Variants in FIG4 observed in about 807,000 individuals in gnomAD.
FIG4 encodes the protein polyphosphoinositide phosphatase.
In FIG4, 112 loss-of-function variants were observed where a neutral mutation model predicts 118.6. The observed-to-expected ratio is 0.94, with a 90% CI of 0.81 to 1.11. FIG4 has a LOEUF of 1.11. Ranked by LOEUF, FIG4 falls within the 50% of genes least tolerant of loss-of-function variation. The probability of loss-of-function intolerance (pLI) is 0.00; values close to 1 mark genes in which losing one functional copy is unlikely to be tolerated. For missense variants in FIG4, 969 were observed against 1,111.7 expected (o/e 0.87, Z 1.83); for synonymous variants, 369 against 381.2 (o/e 0.97, Z 0.37).
At chr6:109,710,417 T>C (rs192991569) in intron 1 of FIG4, among the ~76,000 whole-genome samples, 31 of 152,332 alleles carry the variant, frequency 2.0e-4, no homozygotes, top group African/African-American at 7.0e-4. Context: ...GAAGTTTTCT[T>C]TTTTTGTTGT....
At chr6:109,770,183 A>G (rs1388983521) in intron 15 of FIG4, among the ~76,000 whole-genome samples, 2 of 152,144 alleles carry the variant, frequency 1.3e-5, no homozygotes, top group Non-Finnish European at 2.9e-5. Flanking sequence ...GATGTTAGGG[A>G]GAGCTTTTAA....
At chr6:109,799,958 C>T (rs1268190338) in intron 22 of FIG4, among the ~76,000 whole-genome samples, 1 of 152,134 alleles carries the variant, frequency 6.6e-6, no homozygotes, top group East Asian at 1.9e-4. Flanking sequence ...AGGGCATCAG[C>T]CAACATTGAC....
chr6:109,715,177 G>A lies in FIG4; in HGVS notation c.165+1G>A. On this transcript the variant is annotated splice_donor_variant, in intron 2 of 22. Transcript: ENST00000230124. LOFTEE classifies it high-confidence loss of function. ...AGATTTGGTCATAATTGATGACAGGGTAAGTATCCTCCAAACCTGACTGCA... is the reference window on the plus strand; with the variant it reads ...AGATTTGGTCATAATTGATGACAGGATAAGTATCCTCCAAACCTGACTGCA... 1 of 1,537,782 alleles carries A rather than the reference G, an allele frequency of 6.5e-7. No homozygotes were observed. Among genetic ancestry groups the A allele is most frequent in the Non-Finnish European group, 9.0e-7 (1 of 1,111,452 alleles).
intron 17 of FIG4, chr6:109,785,556 A>G: frequency 2.3e-6 from 1 of 425,732 alleles, no homozygotes; most frequent in Non-Finnish European, 4.9e-6. Context: ...AGTGTATAAT[A>G]CATTAGAATG....
chr6:109,792,701 ATATT>A, intron 21 of FIG4, 37 bp downstream of exon 21: 1 of 1,133,250 alleles, frequency 8.8e-7, no homozygotes. Context: ...AGAAAAATGA[ATATT>A]TATAATTACA....
At chr6:109,785,946 G>A in intron 17 of FIG4, 1 of 308,944 alleles carries the variant, frequency 3.2e-6, no homozygotes, top group South Asian at 3.1e-5. Context: ...GAAATATAAA[G>A]GGAAACTTAG....
At chr6:109,698,848 T>G (rs1008703949) in intron 1 of FIG4, among the ~76,000 whole-genome samples, 4 of 152,244 alleles carry the variant, frequency 2.6e-5, no homozygotes, top group Non-Finnish European at 5.9e-5. Flanking sequence ...TGATCATGAT[T>G]TATTACTGTT....
chr6:109,758,261 C>T (rs9487211), intron 10 of FIG4, among the ~76,000 whole-genome samples: 121,267 of 152,116 alleles, frequency 0.8, 48,530 homozygotes, highest in African/African-American at 0.89. Flanking sequence ...AAAACACATA[C>T]ATAGACCAAT....
At chr6:109,799,436 T>C (rs998584142) in intron 22 of FIG4, among the ~76,000 whole-genome samples, 12 of 152,218 alleles carry the variant, frequency 7.9e-5, no homozygotes, top group African/African-American at 2.9e-4. Context: ...TCTTAAAATG[T>C]CGACTATTCA....
chr6:109,736,919 C>T (rs888981951), intron 6 of FIG4, among the ~76,000 whole-genome samples: 6 of 152,080 alleles, frequency 3.9e-5, no homozygotes, highest in African/African-American at 1.4e-4. Flanking sequence ...GCATTCATCC[C>T]CTGGCTTATG....
chr6:109,710,243 A>G (rs1775215333), intron 1 of FIG4, among the ~76,000 whole-genome samples: 1 of 152,176 alleles, frequency 6.6e-6, no homozygotes. Flanking sequence ...TTCTGTTTAT[A>G]TGGTGAGTCA....
At chr6:109,695,561 C>T (rs956144268) in intron 1 of FIG4, among the ~76,000 whole-genome samples, 16 of 149,190 alleles carry the variant, frequency 1.1e-4, no homozygotes, top group African/African-American at 1.8e-4. Flanking sequence ...AGAAAGTCAA[C>T]GAGCAAAATG....
chr6:109,697,952 G>A (rs922373963), intron 1 of FIG4, among the ~76,000 whole-genome samples: 1 of 150,774 alleles, frequency 6.6e-6, no homozygotes, highest in Non-Finnish European at 1.5e-5. Context: ...GCAATGGCAC[G>A]ATCTCGGCTC....
At chr6:109,757,516 G>T (rs190654102) in intron 10 of FIG4, among the ~76,000 whole-genome samples, 246 of 152,222 alleles carry the variant, frequency 1.6e-3, no homozygotes, top group African/African-American at 5.0e-3. Context: ...ATACTGAATG[G>T]GCAAAAGCTG....
At chr6:109,798,357 C>T (rs964534330) in intron 22 of FIG4, among the ~76,000 whole-genome samples, 2 of 152,134 alleles carry the variant, frequency 1.3e-5, no homozygotes, top group Non-Finnish European at 2.9e-5. Flanking sequence ...TTCATGCATT[C>T]ATTTGCCTAC....
chr6:109,756,546 C>G (rs957599412), intron 10 of FIG4, among the ~76,000 whole-genome samples: 1 of 152,144 alleles, frequency 6.6e-6, no homozygotes, highest in Non-Finnish European at 1.5e-5. Context: ...CAACTTGGTT[C>G]CATTCTCCCC....
chr6:109,705,446 A>G (rs971314362), intron 1 of FIG4, among the ~76,000 whole-genome samples: 2 of 151,300 alleles, frequency 1.3e-5, no homozygotes, highest in African/African-American at 2.5e-5. Flanking sequence ...TTCTCTGCAC[A>G]AAACGTTTTT....
chr6:109,821,247 G>A (rs980133358), intron 22 of FIG4, among the ~76,000 whole-genome samples: 1 of 152,224 alleles, frequency 6.6e-6, no homozygotes, highest in Non-Finnish European at 1.5e-5. Context: ...AAACCTCAGA[G>A]AGCAAGCTGT....
At chr6:109,730,203 C>G (rs550796305) in intron 4 of FIG4, among the ~76,000 whole-genome samples, 5 of 151,904 alleles carry the variant, frequency 3.3e-5, no homozygotes, top group African/African-American at 1.2e-4. Context: ...CACATGCCAC[C>G]ACGCCTGACT....
Sources: allele counts gnomAD v4.1 joint callset (sites outside exome capture counted in the v4.1 genomes callset), GRCh38; gene constraint gnomAD v4.1.1; transcripts MANE v1.5; gene names NCBI Gene and HGNC (gene_info 2026-07-23, HGNC 2026-07-21).